Variants in LIN7A observed in about 807,000 individuals in gnomAD.
The protein encoded by LIN7A is lin-7 cell polarity scaffold A, also known as protein lin-7 homolog A.
LIN7A carries 25 observed loss-of-function variants against 29.8 expected under a neutral mutation model. The observed-to-expected ratio is 0.84, with a 90% CI of 0.61 to 1.17. The LOEUF (loss-of-function observed/expected upper bound fraction) is 1.17. Ranked by LOEUF, LIN7A falls within the 50% of genes most tolerant of loss-of-function variation. The probability of loss-of-function intolerance (pLI) is 0.00; values close to 1 mark genes in which losing one functional copy is unlikely to be tolerated. For synonymous variants in LIN7A, 118 were observed against 107.5 expected (o/e 1.10, Z -0.60); for missense variants, 239 against 287.0 (o/e 0.83, Z 1.21).
chr12:80,860,149 A>T lies in LIN7A; in HGVS notation c.202-11827T>A, dbSNP rs915118056. Among the ~76,000 whole-genome samples the T allele has an allele frequency of 6.6e-5, 10 of 152,190 alleles. No individual in the cohort carries two copies. The East Asian group carries it at 1.5e-3, about 23-fold the overall frequency. On this transcript the variant is annotated intron_variant, in intron 2 of 5. Transcript: ENST00000552864. ...CTTTATGATAAATTCATTGAAGTAG[A>T]TTACTGAGTCAAAAGTATATGCATT...
intron 2 of LIN7A, among the ~76,000 whole-genome samples, chr12:80,852,679 A>G (rs1459925089): frequency 6.6e-6 from 1 of 152,184 alleles, no homozygotes; most frequent in Non-Finnish European, 1.5e-5. Context: ...AAAAACTTTG[A>G]ATTTAAAGCT....
At chr12:80,863,612 G>A (rs1555225310) in intron 2 of LIN7A, among the ~76,000 whole-genome samples, 1 of 152,196 alleles carries the variant, frequency 6.6e-6, no homozygotes, top group Non-Finnish European at 1.5e-5. Flanking sequence ...AGAGAAAGAA[G>A]ACTCATAATG....
At position 80,811,506 on chromosome 12, in the gene LIN7A, G is replaced by A. The variant is rs1365861172; in HGVS notation, c.661C>T (p.Gln221Ter). Reference protein sequence around the residue: ...QQQLLIQQQQQQQQQQTQQNH... With the variant: ...QQQLLIQQQQ ...TGTTGTGTTTGTTGCTGCTGCTGCT[G>A]TTGCTGCTGCTGAATTAGCAATTGC... Residue 221 changes from glutamine to a stop codon, truncating the protein, a stop_gained, in exon 5 of 6, where the codon CAG (glutamine) becomes TAG (stop). Transcript: ENST00000552864. LOFTEE classifies it high-confidence loss of function. 2 of 1,597,268 alleles carry A rather than the reference G, an allele frequency of 1.3e-6. No individual in the cohort carries two copies. Among genetic ancestry groups the A allele is most frequent in the African/African-American group, 1.3e-5 (1 of 74,576 alleles).
At chr12:80,857,494 C>T (rs1455700784) in intron 2 of LIN7A, among the ~76,000 whole-genome samples, 1 of 152,118 alleles carries the variant, frequency 6.6e-6, no homozygotes, top group Non-Finnish European at 1.5e-5. Context: ...AACCTCATGT[C>T]TACTTCTTAC....
chr12:80,836,434 A>G (rs1301642104), intron 4 of LIN7A, among the ~76,000 whole-genome samples: 4 of 152,164 alleles, frequency 2.6e-5, no homozygotes, highest in Non-Finnish European at 2.9e-5. Context: ...AGGCTGGTGG[A>G]TTGCTCGAGC....
chr12:80,901,441 T>C (rs977831534), intron 1 of LIN7A, among the ~76,000 whole-genome samples: 15 of 152,178 alleles, frequency 9.9e-5, no homozygotes, highest in African/African-American at 2.9e-4. Flanking sequence ...AAGCCACAAA[T>C]ATATACCAGT....
chr12:80,848,476 C>T (rs1246714518), intron 2 of LIN7A, among the ~76,000 whole-genome samples, 154 bp from the exon 3 acceptor site: 1 of 152,008 alleles, frequency 6.6e-6, no homozygotes, highest in African/African-American at 2.4e-5. Context: ...TGATAGCACT[C>T]CTTAAACAGC....
At chr12:80,889,563 A>T (rs1455504069) in intron 1 of LIN7A, among the ~76,000 whole-genome samples, 194 bp from the exon 2 acceptor site, 1 of 152,182 alleles carries the variant, frequency 6.6e-6, no homozygotes, top group South Asian at 2.1e-4. Context: ...CACATCTGTC[A>T]CTTCATACAT....
chr12:80,812,801 T>A (rs1035354713), intron 4 of LIN7A, among the ~76,000 whole-genome samples: 12 of 152,172 alleles, frequency 7.9e-5, no homozygotes, highest in African/African-American at 2.4e-4. Context: ...TCCACCTCCC[T>A]CAGCCTCTCA....
At chr12:80,937,493 G>C in intron 1 of LIN7A, 148 bp downstream of exon 1, 2 of 470,908 alleles carry the variant, frequency 4.2e-6, no homozygotes, top group Non-Finnish European at 7.4e-6. Flanking sequence ...AAAGTGTTCT[G>C]TTCTCGGCGC....
At chr12:80,908,752 A>C (rs1429905209) in intron 1 of LIN7A, among the ~76,000 whole-genome samples, 1 of 152,044 alleles carries the variant, frequency 6.6e-6, no homozygotes, top group Non-Finnish European at 1.5e-5. Context: ...GATGTTGACT[A>C]TCTTTTCATA....
intron 4 of LIN7A, among the ~76,000 whole-genome samples, chr12:80,825,897 C>T (rs1297473015): frequency 6.6e-6 from 1 of 152,134 alleles, no homozygotes; most frequent in Non-Finnish European, 1.5e-5. Flanking sequence ...ATCCTAGAAG[C>T]CCAGGCAATT....
chr12:80,936,525 A>C (rs1322133893), intron 1 of LIN7A: 1 of 152,204 alleles, frequency 6.6e-6, no homozygotes, highest in Admixed American at 6.5e-5. Context: ...TTCTGAGTAC[A>C]CCATTTCCAA....
At chr12:80,905,899 T>C (rs1489332598) in intron 1 of LIN7A, among the ~76,000 whole-genome samples, 2 of 152,158 alleles carry the variant, frequency 1.3e-5, no homozygotes, top group Admixed American at 1.3e-4. Context: ...ATTTTCTTGG[T>C]TGTCTCTGGT....
intron 2 of LIN7A, among the ~76,000 whole-genome samples, chr12:80,862,240 G>A (rs907813854): frequency 6.6e-6 from 1 of 152,086 alleles, no homozygotes; most frequent in African/African-American, 2.4e-5. Context: ...ACAATTTCCA[G>A]GAATCCTTTA....
intron 1 of LIN7A, among the ~76,000 whole-genome samples, chr12:80,928,550 T>G (rs1565933085): frequency 1.3e-5 from 2 of 152,210 alleles, no homozygotes; most frequent in Non-Finnish European, 2.9e-5. Flanking sequence ...GGTTGTTTGT[T>G]TTTTTCTTGT....
chr12:80,919,456 C>A (rs1369464168), intron 1 of LIN7A, among the ~76,000 whole-genome samples: 1 of 152,172 alleles, frequency 6.6e-6, no homozygotes, highest in Non-Finnish European at 1.5e-5. Flanking sequence ...GAAGGGCCAA[C>A]TGTGAGCAGG....
chr12:80,856,047 C>A (rs1191344108), intron 2 of LIN7A, among the ~76,000 whole-genome samples: 1 of 151,934 alleles, frequency 6.6e-6, no homozygotes, highest in Non-Finnish European at 1.5e-5. Flanking sequence ...TTCCTATAAA[C>A]TAAAAAATTT....
intron 4 of LIN7A, among the ~76,000 whole-genome samples, chr12:80,841,400 GAA>G (rs1872813730): frequency 6.7e-6 from 1 of 149,142 alleles, no homozygotes; most frequent in African/African-American, 2.5e-5. Context: ...AGGAAGGAAG[GAA>G]GGAAGGAGGG....
Sources: gnomAD v4.1 joint callset for allele counts (sites outside exome capture counted in the v4.1 genomes callset) on GRCh38, gnomAD v4.1.1 for gene constraint, MANE v1.5 for transcripts, NCBI Gene and HGNC (gene_info 2026-07-23, HGNC 2026-07-21) for gene names.